STK3: variants seen among roughly 807,000 people sequenced by gnomAD.
STK3 encodes serine/threonine kinase 3, also known as serine/threonine-protein kinase 3.
Under a neutral mutation model 58.0 loss-of-function variants are expected in STK3, and 41 were observed. The observed-to-expected ratio is 0.71, with a 90% CI of 0.55 to 0.92. The LOEUF is 0.92. STK3 is among the 40% of genes least tolerant of loss of function. The pLI is 0.00. For missense variants in STK3, 479 were observed against 602.7 expected (o/e 0.79, Z 2.15); for synonymous variants, 170 against 191.0 (o/e 0.89, Z 0.91).
intron 3 of STK3, among the ~76,000 whole-genome samples, chr8:98,766,565 A>G (rs1250945626): frequency 6.6e-6 from 1 of 151,838 alleles, no homozygotes; most frequent in Non-Finnish European, 1.5e-5. Context: ...CTACAAGTCC[A>G]AGCTACCACC....
chr8:98,751,903 G>A (rs1830010284), intron 3 of STK3, among the ~76,000 whole-genome samples: 1 of 151,990 alleles, frequency 6.6e-6, no homozygotes, highest in Admixed American at 6.6e-5. Flanking sequence ...TTGTGTCACT[G>A]CACTCCAGCC....
chr8:98,577,704 A>G (rs550695090), intron 8 of STK3, among the ~76,000 whole-genome samples: 1 of 152,284 alleles, frequency 6.6e-6, no homozygotes, highest in Non-Finnish European at 1.5e-5. Flanking sequence ...CTTAGATTGC[A>G]ATCTCATAAG....
chr8:98,549,758 A>G (rs1811010597), intron 8 of STK3, among the ~76,000 whole-genome samples: 1 of 150,572 alleles, frequency 6.6e-6, no homozygotes, highest in Non-Finnish European at 1.5e-5. Context: ...TGAAAGACCA[A>G]CTGATAATCA....
At chr8:98,822,975 C>T (rs1253245125) in intron 1 of STK3, among the ~76,000 whole-genome samples, 1 of 152,204 alleles carries the variant, frequency 6.6e-6, no homozygotes, top group Non-Finnish European at 1.5e-5. Flanking sequence ...TTGCAGTGAG[C>T]CGAGATTGTA....
intron 6 of STK3, among the ~76,000 whole-genome samples, chr8:98,601,054 T>C (rs1318469978): frequency 6.6e-6 from 1 of 152,118 alleles, no homozygotes; most frequent in Non-Finnish European, 1.5e-5. Context: ...TTAAAAATTA[T>C]ACTTGCAGCT....
chr8:98,712,816 A>G (rs1157837212), intron 4 of STK3, among the ~76,000 whole-genome samples: 1 of 151,432 alleles, frequency 6.6e-6, no homozygotes, highest in African/African-American at 2.4e-5. Context: ...TCCACCCCAA[A>G]TCAACAGAAT....
At chr8:98,467,518 T>C (rs1002133480) in intron 10 of STK3, among the ~76,000 whole-genome samples, 1 of 150,678 alleles carries the variant, frequency 6.6e-6, no homozygotes, top group African/African-American at 2.5e-5. Context: ...TTTGATGTCA[T>C]AGTACACATC....
At chr8:98,400,937 G>A (rs1021627802), downstream of STK3, among the ~76,000 whole-genome samples, 1 of 152,004 alleles carries the variant, frequency 6.6e-6, no homozygotes, top group East Asian at 1.9e-4. Flanking sequence ...CCAGAACTTT[G>A]CAATTCCTCC....
intron 4 of STK3, among the ~76,000 whole-genome samples, chr8:98,738,004 C>A (rs1050242922): frequency 4.6e-5 from 7 of 152,088 alleles, no homozygotes; most frequent in Middle Eastern, 3.2e-3. Flanking sequence ...GCCACCGCAC[C>A]CGGCCGAATG....
chr8:98,460,672 G>A (rs1321248780), intron 10 of STK3, among the ~76,000 whole-genome samples: 1 of 152,060 alleles, frequency 6.6e-6, no homozygotes, highest in African/African-American at 2.4e-5. Flanking sequence ...GGATCATGGG[G>A]GCAGTTTCCT....
At chr8:98,932,627 A>G (rs1451679016) in intron 1 of STK3, among the ~76,000 whole-genome samples, 2 of 152,236 alleles carry the variant, frequency 1.3e-5, no homozygotes, top group African/African-American at 2.4e-5. Flanking sequence ...AGTTGTTTCC[A>G]AATTTAGTCT....
chr8:98,588,569 T>C (rs1303084773), intron 7 of STK3, among the ~76,000 whole-genome samples: 2 of 152,122 alleles, frequency 1.3e-5, no homozygotes, highest in African/African-American at 4.8e-5. Context: ...ATCTGACAAT[T>C]ATGTGTCTTG....
intron 1 of STK3, chr8:98,782,763 A>C (rs1832181280): frequency 6.5e-6 from 1 of 153,324 alleles, no homozygotes. Flanking sequence ...GATTAAAAGG[A>C]GATTAGACAG....
intron 1 of STK3, among the ~76,000 whole-genome samples, chr8:98,776,255 A>G (rs982784241): frequency 6.6e-6 from 1 of 152,210 alleles, no homozygotes; most frequent in Non-Finnish European, 1.5e-5. Flanking sequence ...TGGGTTCATT[A>G]TTAGACTAAC....
At chr8:98,795,632 C>G (rs1398365261) in intron 1 of STK3, among the ~76,000 whole-genome samples, 7 of 152,004 alleles carry the variant, frequency 4.6e-5, no homozygotes, top group African/African-American at 1.7e-4. Flanking sequence ...TGGTTCTATA[C>G]CTAGAAAACC....
At chr8:98,846,471 G>T (rs543468830) in intron 3 of STK3, among the ~76,000 whole-genome samples, 1 of 152,274 alleles carries the variant, frequency 6.6e-6, no homozygotes, top group South Asian at 2.1e-4. Flanking sequence ...TCCAGACACT[G>T]TTCTAAGTGC....
intron 6 of STK3, among the ~76,000 whole-genome samples, chr8:98,650,535 G>A (rs1413739122): frequency 6.6e-6 from 1 of 152,216 alleles, no homozygotes; most frequent in Non-Finnish European, 1.5e-5. Context: ...AGCAGGGAGA[G>A]GTATTGCCTC....
chr8:98,609,776 C>T (rs1478062116), intron 6 of STK3, among the ~76,000 whole-genome samples: 1 of 151,844 alleles, frequency 6.6e-6, no homozygotes, highest in Non-Finnish European at 1.5e-5. Flanking sequence ...CTGGCTAACA[C>T]AGTGAAACCC....
the STK3 span, among the ~76,000 whole-genome samples, chr8:98,364,004 G>A: frequency 6.6e-6 from 1 of 152,204 alleles, no homozygotes; most frequent in Non-Finnish European, 1.5e-5. Context: ...CTCTATCACA[G>A]TCAGGCCAAA....
Sources: gnomAD v4.1 joint callset for allele counts (sites outside exome capture counted in the v4.1 genomes callset) on GRCh38, gnomAD v4.1.1 for gene constraint, MANE v1.5 for transcripts, NCBI Gene and HGNC (gene_info 2026-07-23, HGNC 2026-07-21) for gene names.